Variants in RFPL1 observed in about 807,000 individuals in gnomAD.
RFPL1 encodes the protein ret finger protein-like 1.
Under a neutral mutation model 9.6 loss-of-function variants are expected in RFPL1, and 6 were observed. That is an observed-to-expected ratio of 0.62 (90% CI 0.34 to 1.23). RFPL1 has a LOEUF of 1.23. Among genes scored for constraint, RFPL1 ranks in the 50% most tolerant of loss-of-function variants. The pLI is 0.03. For missense variants in RFPL1, 352 were observed against 398.4 expected (o/e 0.88, Z 0.99); for synonymous variants, 145 against 149.4 (o/e 0.97, Z 0.22).
chr22:29,424,397 T>G, the RFPL1 span, among the ~76,000 whole-genome samples: 4 of 152,134 alleles, frequency 2.6e-5, no homozygotes, highest in Non-Finnish European at 4.4e-5. Flanking sequence ...GAGCCCCTAT[T>G]AAAGGCAGGA....
chr22:29,438,747 G>T (rs1569183531), exon 1 of RFPL1: 13 of 1,591,576 alleles, frequency 8.2e-6, no homozygotes, highest in Non-Finnish European at 1.1e-5. Context: ...TGTACTCATG[G>T]TCTTGTTCTA....
the RFPL1 span, among the ~76,000 whole-genome samples, chr22:29,410,469 T>C: frequency 9.1e-6 from 1 of 110,212 alleles, no homozygotes; most frequent in Non-Finnish European, 1.8e-5. Flanking sequence ...TATATCTATA[T>C]ATAGATATAT....
the RFPL1 span, among the ~76,000 whole-genome samples, chr22:29,388,221 C>T: frequency 7.9e-5 from 12 of 152,132 alleles, no homozygotes; most frequent in Non-Finnish European, 1.8e-4. Flanking sequence ...ATGGGGCGGC[C>T]GAGGAACAGG....
chr22:29,396,121 C>T, the RFPL1 span, among the ~76,000 whole-genome samples: 1 of 152,216 alleles, frequency 6.6e-6, no homozygotes, highest in Non-Finnish European at 1.5e-5. Context: ...CCCACCTGGG[C>T]TCAGATCTTC....
chr22:29,428,767 G>T, the RFPL1 span, among the ~76,000 whole-genome samples: 1,062 of 152,182 alleles, frequency 7.0e-3, 17 homozygotes, highest in African/African-American at 0.024. Context: ...AAATGAAGAT[G>T]GAAATTGAAA....
the RFPL1 span, among the ~76,000 whole-genome samples, chr22:29,411,702 G>C: frequency 6.6e-6 from 1 of 152,176 alleles, no homozygotes; most frequent in Non-Finnish European, 1.5e-5. Flanking sequence ...GACATGCCTA[G>C]AAGTCGGAGC....
chr22:29,406,123 AAAAAAAAAAAAAAAAAAAAAAAAT>A, the RFPL1 span, among the ~76,000 whole-genome samples: 42 of 61,528 alleles, frequency 6.8e-4, 1 homozygote, highest in Admixed American at 1.8e-3. Flanking sequence ...CTCAAAAAAA[AAAAAAAAAAAAAAAAAAAAAAAAT>A]AAAAAAAAAG....
At chr22:29,416,716 T>C in the RFPL1 span, among the ~76,000 whole-genome samples, 1 of 152,174 alleles carries the variant, frequency 6.6e-6, no homozygotes, top group South Asian at 2.1e-4. Context: ...GCACACACCA[T>C]ACACCAAGCT....
At chr22:29,391,138 T>A in the RFPL1 span, among the ~76,000 whole-genome samples, 1 of 151,806 alleles carries the variant, frequency 6.6e-6, no homozygotes, top group South Asian at 2.1e-4. Flanking sequence ...TGAGACTCTG[T>A]CTCAAAAAAA....
exon 2 of RFPL1, chr22:29,442,445 T>C (rs2062845506): frequency 5.3e-6 from 1 of 187,654 alleles, no homozygotes; most frequent in African/African-American, 2.3e-5. Flanking sequence ...TAAATAAACA[T>C]TGGAATATCA....
chr22:29,437,831 A>C (rs2062815935), upstream of RFPL1: 1 of 1,196,728 alleles, frequency 8.4e-7, no homozygotes, highest in East Asian at 2.9e-5. Context: ...TAATGAATTC[A>C]ACAAAGGCTG....
At chr22:29,390,190 C>T in the RFPL1 span, among the ~76,000 whole-genome samples, 9 of 152,160 alleles carry the variant, frequency 5.9e-5, no homozygotes, top group Admixed American at 1.3e-4. Context: ...TATTCCATTA[C>T]GTGGATGGTA....
At chr22:29,418,499 T>C in the RFPL1 span, among the ~76,000 whole-genome samples, 13 of 143,548 alleles carry the variant, frequency 9.1e-5, no homozygotes, top group East Asian at 7.9e-4. Flanking sequence ...TCGTCTTCTT[T>C]TTTTTTTTTT....
the RFPL1 span, among the ~76,000 whole-genome samples, chr22:29,396,893 ACTT>A: frequency 4.4e-5 from 6 of 135,290 alleles, no homozygotes; most frequent in Admixed American, 1.5e-4. Flanking sequence ...CCAGCCTGAA[ACTT>A]CTTTTTTTTT....
upstream of RFPL1, among the ~76,000 whole-genome samples, chr22:29,435,567 C>A (rs2062804713): frequency 6.6e-6 from 1 of 152,202 alleles, no homozygotes; most frequent in South Asian, 2.1e-4. Flanking sequence ...GGATCCAATT[C>A]ATTCCAATCA....
At chr22:29,409,713 T>G in the RFPL1 span, among the ~76,000 whole-genome samples, 2 of 152,166 alleles carry the variant, frequency 1.3e-5, no homozygotes. Context: ...AATGAAGATA[T>G]AAAAATCTGA....
the RFPL1 span, among the ~76,000 whole-genome samples, chr22:29,422,492 G>A: frequency 6.6e-6 from 1 of 152,130 alleles, no homozygotes; most frequent in Non-Finnish European, 1.5e-5. Flanking sequence ...CAGAAGAATC[G>A]CTCGAACCCA....
chr22:29,419,935 G>A, the RFPL1 span, among the ~76,000 whole-genome samples: 1 of 152,196 alleles, frequency 6.6e-6, no homozygotes, highest in Non-Finnish European at 1.5e-5. Flanking sequence ...GCTCTGCTCA[G>A]CCAGGGAGCT....
the RFPL1 span, among the ~76,000 whole-genome samples, chr22:29,425,216 A>G: frequency 6.6e-6 from 1 of 151,752 alleles, no homozygotes; most frequent in Admixed American, 6.6e-5. Flanking sequence ...AAAAAAAAAA[A>G]AAAAAGAAAA....
Sources: allele counts gnomAD v4.1 joint callset (sites outside exome capture counted in the v4.1 genomes callset), GRCh38; gene constraint gnomAD v4.1.1; transcripts MANE v1.5; gene names NCBI Gene and HGNC (gene_info 2026-07-23, HGNC 2026-07-21).